Variants in VSIG8 observed in about 807,000 individuals in gnomAD.
VSIG8 encodes V-set and immunoglobulin domain containing 8, also known as V-set and immunoglobulin domain-containing protein 8.
VSIG8 carries 32 observed loss-of-function variants against 42.6 expected under a neutral mutation model. The observed-to-expected ratio is 0.75, with a 90% CI of 0.57 to 1.01. The LOEUF (loss-of-function observed/expected upper bound fraction) is 1.01, where lower values mean the gene tolerates loss of function less well. VSIG8 is among the 50% of genes least tolerant of loss of function. VSIG8 has a pLI of 0.00. For missense variants in VSIG8, 529 were observed against 558.0 expected (o/e 0.95, Z 0.52); for synonymous variants, 290 against 243.8 (o/e 1.19, Z -1.77).
intron 1 of VSIG8, chr1:159,861,212 G>A (rs1199518200): frequency 6.6e-6 from 1 of 152,180 alleles, no homozygotes. Context: ...CTCCAAGGAA[G>A]AGGACAGTGG....
At chr1:159,862,077 T>C (rs1557905923) in intron 1 of VSIG8, 1 of 210,962 alleles carries the variant, frequency 4.7e-6, no homozygotes, top group Non-Finnish European at 9.4e-6. Context: ...CTGATGAAAA[T>C]TGATCCTTCC....
In VSIG8 at chr1:159,855,006, C is replaced by T. The variant is rs1446283395; in HGVS notation, c.992G>A (p.Gly331Glu). 12 of 1,567,868 alleles carry T rather than the reference C, an allele frequency of 7.7e-6. No individual in the cohort carries two copies. The highest frequency in any genetic ancestry group is 1.0e-5 in the Non-Finnish European group (12 of 1,160,780). Residue 331 changes from glycine (G) to glutamate (E), a missense_variant, in exon 7 of 7, where the codon GGG (glycine) becomes GAG (glutamate). Coordinates refer to ENST00000368100, the MANE Select transcript of VSIG8 (RefSeq NM_001013661.1). ...GCTGCCGCGCCCGCTGGCCTTGCAC[C>T]CGGGCGCCACGGCGTCCTCTCTGTG... ...SEIREDAVAPGCKASGRGSRV... is the reference protein window; with the variant it reads ...SEIREDAVAPECKASGRGSRV...
At chr1:159,855,507 A>G (rs1376005529) in intron 6 of VSIG8, 10 of 985,100 alleles carry the variant, frequency 1.0e-5, no homozygotes, top group Non-Finnish European at 1.2e-5. Context: ...TTTGCTTCTA[A>G]TATAAGTTAT....
chr1:159,857,961 G>T lies in VSIG8; in HGVS notation c.436C>A (p.Pro146Thr), dbSNP rs368817560. Residue 146 changes from proline to threonine, a missense_variant, in exon 4 of 7, where the codon CCT becomes ACT. By Grantham distance (38) the Pro-to-Thr change is conservative. Transcript: ENST00000368100. ...TCTGTCCAGCACATGGGCACTGCAG[G>T]TCGTGCTGCAAGGAGGCAGACAATT... ...RKVIVTVQAR[P>T]AVPMCWTEGH... 4 of 1,613,682 alleles carry T rather than the reference G, an allele frequency of 2.5e-6. No individual in the cohort carries two copies. The African/African-American group carries it at 4.0e-5, about 16-fold the overall frequency.
rs992258485 is a variant in VSIG8, at chr1:159,856,089, G to A, written c.773-8C>T. ...CGCCTATACGCCGGGAGTCTGTGGA[G>A]AGAAGTGGAGGCAGGTCAGGCTTTC... On this transcript the variant is annotated splice_region_variant and splice_polypyrimidine_tract_variant and intron_variant, in intron 5 of 6. Coordinates refer to ENST00000368100, the MANE Select transcript of VSIG8 (RefSeq NM_001013661.1). The A allele has an allele frequency of 2.5e-6, 4 of 1,608,836 alleles. No individual in the cohort carries two copies. Among genetic ancestry groups the A allele is most frequent in the Non-Finnish European group, 2.5e-6 (3 of 1,177,842 alleles).
intron 4 of VSIG8, 60 bp downstream of exon 4, chr1:159,857,682 ACAG>A (rs1648884744): frequency 7.0e-7 from 1 of 1,422,366 alleles, no homozygotes; most frequent in African/African-American, 1.4e-5. Flanking sequence ...GGAAACCCCA[ACAG>A]GTCCCAGAGT....
intron 1 of VSIG8, 24 bp downstream of exon 1, chr1:159,862,449 C>A (rs746629281): frequency 6.2e-7 from 1 of 1,604,494 alleles, no homozygotes; most frequent in South Asian, 1.1e-5. Flanking sequence ...TGCTGGCTAC[C>A]CTGCCCCCTG....
At chr1:159,860,249 C>T (rs1241125961) in intron 1 of VSIG8, among the ~76,000 whole-genome samples, 2 of 152,188 alleles carry the variant, frequency 1.3e-5, no homozygotes, top group Non-Finnish European at 1.5e-5. Context: ...CCCACTCTTA[C>T]AAGGCTTCAA....
At chr1:159,857,716 C>T in intron 4 of VSIG8, 29 bp downstream of exon 4, 1 of 1,598,594 alleles carries the variant, frequency 6.3e-7, no homozygotes, top group Non-Finnish European at 8.6e-7. Flanking sequence ...CCACTCACCC[C>T]CGACTGCCCT....
intron 5 of VSIG8, 185 bp from the exon 6 acceptor site, chr1:159,856,266 C>T (rs1260301579): frequency 5.3e-6 from 4 of 760,166 alleles, no homozygotes; most frequent in South Asian, 1.9e-5. Flanking sequence ...CTCGTGTCAG[C>T]ATGCTTCTCC....
At chr1:159,856,924 G>A (rs1648852048) in intron 4 of VSIG8, among the ~76,000 whole-genome samples, 1 of 152,146 alleles carries the variant, frequency 6.6e-6, no homozygotes, top group Non-Finnish European at 1.5e-5. Context: ...CTGAGCCTTG[G>A]TCTCCTCCTT....
In VSIG8 at chr1:159,854,968, G is replaced by A. The variant is rs1354196204; in HGVS notation, c.1030C>T (p.Leu344Phe). 1 of 1,550,970 alleles carries A rather than the reference G, an allele frequency of 6.4e-7. No individual in the cohort carries two copies. The highest frequency in any genetic ancestry group is 1.4e-5 in the African/African-American group (1 of 72,466). ...ACGTTCTGCGTCGGGTACCCCAGGA[G>A]GTGGGTGACGCGGCTGCCGCGCCCG... ...ASGRGSRVTHLLGYPTQNVSR... is the reference protein window; with the variant it reads ...ASGRGSRVTHFLGYPTQNVSR... The change falls in exon 7 of 7, where the codon CTC (leucine) becomes TTC (phenylalanine). Residue 344 changes from leucine to phenylalanine, a missense_variant. Coordinates refer to ENST00000368100, the MANE Select transcript of VSIG8 (RefSeq NM_001013661.1).
At chr1:159,857,575 CAA>C (rs10683798) in intron 4 of VSIG8, among the ~76,000 whole-genome samples, 168 bp downstream of exon 4, 12 of 121,188 alleles carry the variant, frequency 9.9e-5, no homozygotes, top group African/African-American at 1.3e-4. Flanking sequence ...AACTCTGTCT[CAA>C]AAAAAAAAAA....
intron 1 of VSIG8, chr1:159,861,569 C>T (rs1320866760): frequency 6.6e-6 from 1 of 152,172 alleles, no homozygotes; most frequent in Non-Finnish European, 1.5e-5. Flanking sequence ...GAAATGTCAT[C>T]ATTCCCATGC....
Position 159,854,918 on chromosome 1 carries a change from G to C in VSIG8, c.1080C>G (p.Tyr360Ter), listed in dbSNP as rs2101825960. Residue 360 changes from tyrosine (Y) to a stop codon, truncating the protein, a stop_gained, in exon 7 of 7, where the codon TAC becomes TAG. Coordinates refer to ENST00000368100, the MANE Select transcript of VSIG8 (RefSeq NM_001013661.1). LOFTEE classifies it high-confidence loss of function. ...CGGGGCCGCCGCAGGGGGGAGGCGC[G>C]TACTTGCGGCGCAGGGAGCGGCTGA... ...QNVSRSLRRK[Y>*]APPPCGGPED... is the part of the protein sequence containing the mutation. 3 of 1,499,818 alleles carry C rather than the reference G, an allele frequency of 2.0e-6. No homozygotes were observed. The highest frequency in any genetic ancestry group is 2.6e-6 in the Non-Finnish European group (3 of 1,132,208). The allele number at this position is 1,499,818 out of a possible 1,614,324, so 92.9% of individuals were successfully genotyped here. A position where few individuals can be genotyped will look rare whatever the true frequency, so the allele number is the denominator to read the frequency against.
intron 2 of VSIG8, 75 bp downstream of exon 2, chr1:159,858,659 C>G: frequency 1.3e-6 from 2 of 1,515,346 alleles, no homozygotes; most frequent in South Asian, 2.6e-5. Context: ...AGTCTTCTCC[C>G]TTTGGGATGT....
chr1:159,856,216 A>T, intron 5 of VSIG8, 135 bp from the exon 6 acceptor site: 1 of 907,006 alleles, frequency 1.1e-6, no homozygotes, highest in Non-Finnish European at 1.6e-6. Context: ...TAGCCCTGGA[A>T]CACCCAGTGG....
At position 159,856,148 on chromosome 1, in the gene VSIG8, C is replaced by G. The variant is rs796237630; in HGVS notation, c.773-67G>C. On this transcript the variant is annotated intron_variant, in intron 5 of 6. Transcript: ENST00000368100. The stretch of plus-strand genomic sequence containing the variant: ...TGGCAGGTGCCTGAGGGAACAGCAC[C>G]AGGAGGTGCCAGGTCAGGGGTTAAT... The G allele has an allele frequency of 1.2e-4, 171 of 1,481,574 alleles. No individual in the cohort carries two copies. The African/African-American group carries it at 1.8e-3, about 15-fold the overall frequency. 91.8% of individuals were successfully genotyped at this position (1,481,574 alleles called of 1,614,324 possible).
Position 159,855,204 on chromosome 1 carries a change from G to A in VSIG8, c.972-178C>T, listed in dbSNP as rs771384187. 50 of 1,551,480 alleles carry A rather than the reference G, an allele frequency of 3.2e-5. 1 individual carries two copies. In the South Asian group the frequency reaches 5.9e-4, roughly 18 times the overall value. ...CCTTTGTGACCCTTCCTGGGTCGGC[G>A]ACCCTGCAGCGGTCCCGGAGCCAGC... On this transcript the variant is annotated intron_variant, in intron 6 of 6. Coordinates refer to ENST00000368100, the MANE Select transcript of VSIG8 (RefSeq NM_001013661.1).
Sources: gnomAD v4.1 joint callset for allele counts (sites outside exome capture counted in the v4.1 genomes callset) on GRCh38, gnomAD v4.1.1 for gene constraint, MANE v1.5 for transcripts, NCBI Gene and HGNC (gene_info 2026-07-23, HGNC 2026-07-21) for gene names.